The following KIF13A variants were observed in gnomAD, a reference collection of about 807,000 sequenced individuals.
KIF13A encodes the protein kinesin-like protein KIF13A.
KIF13A carries 79 observed loss-of-function variants against 212.2 expected under a neutral mutation model. The observed-to-expected ratio is 0.37, with a 90% confidence interval of 0.31 to 0.45. The LOEUF is 0.45. Among genes scored for constraint, KIF13A ranks in the 20% least tolerant of loss-of-function variants. The probability of loss-of-function intolerance (pLI) is 1.00; values close to 1 mark genes in which losing one functional copy is unlikely to be tolerated. For synonymous variants in KIF13A, 789 were observed against 808.6 expected, an observed-to-expected ratio of 0.98 and a Z score of 0.41; for missense variants, 1,901 against 2,209.0, an observed-to-expected ratio of 0.86 and a Z score of 2.79.
intron 2 of KIF13A, among the ~76,000 whole-genome samples, chr6:17,943,455 C>T (rs1310685298): frequency 1.4e-5 from 2 of 148,000 alleles, no homozygotes; most frequent in Non-Finnish European, 3.0e-5. Flanking sequence ...ACCATGTTGG[C>T]CAGCCTGGTC....
intron 2 of KIF13A, among the ~76,000 whole-genome samples, chr6:17,966,099 C>A (rs555665420): frequency 2.6e-5 from 4 of 152,236 alleles, no homozygotes; most frequent in Admixed American, 2.0e-4. Flanking sequence ...GAGGTTGAGG[C>A]ATGAGAATTG....
intron 2 of KIF13A, among the ~76,000 whole-genome samples, chr6:17,941,094 G>T (rs1776925735): frequency 6.6e-6 from 1 of 152,064 alleles, no homozygotes; most frequent in African/African-American, 2.4e-5. Context: ...CAAAGTGCTG[G>T]GATTACAGGC....
At chr6:17,762,411 C>A (rs1007254221), downstream of KIF13A, among the ~76,000 whole-genome samples, 2 of 152,050 alleles carry the variant, frequency 1.3e-5, no homozygotes, top group African/African-American at 4.8e-5. Flanking sequence ...TGGGGTTTCA[C>A]CATTTAGCCA....
intron 12 of KIF13A, among the ~76,000 whole-genome samples, chr6:17,833,594 G>A (rs1316498153): frequency 1.3e-5 from 2 of 151,654 alleles, no homozygotes; most frequent in Non-Finnish European, 2.9e-5. Flanking sequence ...AGTGGCTCAT[G>A]CCTGTAATCC....
intron 6 of KIF13A, among the ~76,000 whole-genome samples, chr6:17,853,176 T>C (rs143893047): frequency 3.7e-4 from 57 of 152,334 alleles, no homozygotes; most frequent in African/African-American, 1.3e-3. Flanking sequence ...TGCCGTTTCA[T>C]TTCATAACAT....
chr6:17,815,162 T>C (rs1337367882), intron 17 of KIF13A, among the ~76,000 whole-genome samples: 1 of 152,202 alleles, frequency 6.6e-6, no homozygotes, highest in East Asian at 1.9e-4. Flanking sequence ...CTTACACCAT[T>C]ATTTCTTCTA....
chr6:17,798,284 A>T (rs1762212071), intron 22 of KIF13A, among the ~76,000 whole-genome samples: 1 of 152,186 alleles, frequency 6.6e-6, no homozygotes, highest in Non-Finnish European at 1.5e-5. Flanking sequence ...TGGGACTAGC[A>T]TTTATTAAAA....
At chr6:17,927,575 T>C (rs1341922939) in intron 2 of KIF13A, among the ~76,000 whole-genome samples, 2 of 152,150 alleles carry the variant, frequency 1.3e-5, no homozygotes, top group Admixed American at 1.3e-4. Context: ...GATGAAGAAG[T>C]TCTGAAAATG....
intron 17 of KIF13A, among the ~76,000 whole-genome samples, chr6:17,814,804 A>G (rs1763780332): frequency 6.6e-6 from 1 of 152,196 alleles, no homozygotes; most frequent in Non-Finnish European, 1.5e-5. Context: ...TTATTATGGT[A>G]GTGGTGATTA....
At chr6:17,929,072 A>AAC in intron 2 of KIF13A, among the ~76,000 whole-genome samples, 1 of 147,034 alleles carries the variant, frequency 6.8e-6, no homozygotes, top group East Asian at 1.9e-4. Context: ...AAAAAAAAAA[A>AAC]AAAAAAAAAA....
chr6:17,855,927 T>C lies in KIF13A; in HGVS notation c.313+103A>G. 1 of 793,648 alleles carries C rather than the reference T, an allele frequency of 1.3e-6. No individual in the cohort carries two copies. Among genetic ancestry groups the C allele is most frequent in the South Asian group, 1.7e-5 (1 of 60,310 alleles). The allele number at this position is 793,648 out of a possible 1,614,324, so 49.2% of individuals were successfully genotyped here. A position where few individuals can be genotyped will look rare whatever the true frequency, so the allele number is the denominator to read the frequency against. ...GGTCTTACTATGTTGCCCAGGCTGGTCTCAAACTCCTGGGCTCAGGAGATC... is the reference window on the plus strand; with the variant it reads ...GGTCTTACTATGTTGCCCAGGCTGGCCTCAAACTCCTGGGCTCAGGAGATC... On this transcript the variant is annotated intron_variant, in intron 5 of 38. Transcript: ENST00000259711. This position sits in a 1 kb window ranked among gnomAD's most constrained non-coding sequence, Gnocchi z 4.1.
chr6:17,855,517 A>C lies in KIF13A; in HGVS notation c.414T>G (p.Asn138Lys), dbSNP rs2150406119. The change falls in exon 6 of 39, where the codon AAT becomes AAG. Residue 138 changes from asparagine (N) to lysine (K), a missense_variant. Asn to Lys is a moderately conservative substitution (Grantham distance 94). Transcript: ENST00000259711. The surrounding 1 kb of genome is among the most constrained non-coding windows in gnomAD (Gnocchi z 4.1). Reference protein sequence around the residue: ...ALFKRISLEQNESQTFKVEVS... With the variant: ...ALFKRISLEQKESQTFKVEVS... ...CTTCAACTTTAAAGGTCTGTGACTC[A>C]TTTTGCTCCAAAGAGATCCTTTTAA... 3 of 1,613,902 alleles carry C rather than the reference A, an allele frequency of 1.9e-6. No homozygotes were observed. In the East Asian group the frequency reaches 6.7e-5, roughly 36 times the overall value.
intron 2 of KIF13A, among the ~76,000 whole-genome samples, chr6:17,976,235 G>C (rs1194415271): frequency 6.6e-6 from 1 of 152,248 alleles, no homozygotes; most frequent in Non-Finnish European, 1.5e-5. Flanking sequence ...GGTGGAGAAG[G>C]GGCCGGCGCT....
rs997383554 is a variant in KIF13A, at chr6:17,799,644, G to A, written c.2617-205C>T. Among the ~76,000 whole-genome samples the A allele has an allele frequency of 1.3e-5, 2 of 152,130 alleles. No homozygotes were observed. Among genetic ancestry groups the A allele is most frequent in the Admixed American group, 1.3e-4 (2 of 15,268 alleles). On this transcript the variant is annotated intron_variant, in intron 21 of 38. Coordinates refer to ENST00000259711, the MANE Select transcript of KIF13A (RefSeq NM_022113.6). The surrounding 1 kb of genome is among the most constrained non-coding windows in gnomAD (Gnocchi z 4.4). The stretch of plus-strand genomic sequence containing the variant: ...TCTGTAACTATAGTATATAAACTTG[G>A]CAACAAATACACACATTCCTGCAAA...
intron 3 of KIF13A, among the ~76,000 whole-genome samples, chr6:17,874,389 A>C (rs1770310486): frequency 6.6e-6 from 1 of 151,876 alleles, no homozygotes; most frequent in African/African-American, 2.4e-5. Flanking sequence ...TTACATGTTT[A>C]GTATTTGGCA....
chr6:17,949,244 C>T (rs1443308959), intron 2 of KIF13A, among the ~76,000 whole-genome samples: 3 of 152,116 alleles, frequency 2.0e-5, no homozygotes, highest in Admixed American at 1.3e-4. Flanking sequence ...AGGAAAAAGT[C>T]GCCAGAGTGT....
chr6:17,873,297 C>T, intron 4 of KIF13A, 80 bp downstream of exon 4: 1 of 928,868 alleles, frequency 1.1e-6, no homozygotes, highest in East Asian at 2.7e-5. Flanking sequence ...AAGTAAAACT[C>T]CAGAGGAATT....
Position 17,971,494 on chromosome 6 carries a change from T to C in KIF13A, c.146+15560A>G, listed in dbSNP as rs1779805207. On this transcript the variant is annotated intron_variant, in intron 2 of 38. Coordinates refer to ENST00000259711, the MANE Select transcript of KIF13A (RefSeq NM_022113.6). The surrounding 1 kb of genome is among the most constrained non-coding windows in gnomAD (Gnocchi z 4.2). Reference sequence around the variant, plus strand: ...TGGAGTGCAGTGGTGTAATCATGGCTCACTGCAGCCTAGACCTTCTGCATT... The same window carrying C: ...TGGAGTGCAGTGGTGTAATCATGGCCCACTGCAGCCTAGACCTTCTGCATT... Among the ~76,000 whole-genome samples the C allele has an allele frequency of 6.6e-6, 1 of 152,144 alleles. No homozygotes were observed. The highest frequency in any genetic ancestry group is 2.1e-4 in the South Asian group (1 of 4,832).
intron 2 of KIF13A, among the ~76,000 whole-genome samples, chr6:17,943,021 GTAGAT>G (rs1348746933): frequency 1.7e-4 from 26 of 151,962 alleles, no homozygotes; most frequent in Admixed American, 1.7e-3. Context: ...AAAAAAAAGA[GTAGAT>G]TAAAGCAGAG....
Sources: gnomAD v4.1 joint callset for allele counts (sites outside exome capture counted in the v4.1 genomes callset) on GRCh38, gnomAD v4.1.1 for gene constraint, Gnocchi (gnomAD v3.1) non-coding constraint, MANE v1.5 for transcripts, NCBI Gene and HGNC (gene_info 2026-07-23, HGNC 2026-07-21) for gene names.